The following VNN1 variants were observed in gnomAD, a reference collection of about 807,000 sequenced individuals.
VNN1 encodes the protein vanin 1.
Under a neutral mutation model 41.9 loss-of-function variants are expected in VNN1, and 29 were observed. That is an observed-to-expected ratio of 0.69 (90% CI 0.52 to 0.94). The LOEUF (loss-of-function observed/expected upper bound fraction) is 0.94. VNN1 is among the 40% of genes least tolerant of loss of function. The pLI, the probability that VNN1 is intolerant of heterozygous loss-of-function variation, is 0.00. For synonymous variants in VNN1, 233 were observed against 224.4 expected, an observed-to-expected ratio of 1.04 and a Z score of -0.34; for missense variants, 637 against 621.1, an observed-to-expected ratio of 1.03 and a Z score of -0.27.
intron 2 of VNN1, 57 bp from the exon 3 acceptor site, chr6:132,694,239 A>G: frequency 6.8e-7 from 1 of 1,476,252 alleles, no homozygotes; most frequent in East Asian, 2.3e-5. Context: ...AACTCTCAAC[A>G]AAATCCTGAA....
intron 5 of VNN1, among the ~76,000 whole-genome samples, chr6:132,686,602 C>A (rs59631470): frequency 0.028 from 4,233 of 152,218 alleles, 193 homozygotes; most frequent in African/African-American, 0.097. Context: ...CACTTACCTC[C>A]GATTTCCCCG....
Position 132,713,971 on chromosome 6 carries a change from T to C in VNN1, c.65A>G (p.Gln22Arg), listed in dbSNP as rs752525819. 27 of 1,614,182 alleles carry C rather than the reference T, an allele frequency of 1.7e-5. No individual in the cohort carries two copies. The highest frequency in any genetic ancestry group is 2.3e-5 in the Non-Finnish European group (27 of 1,180,020). ...ATAAACAGCTGCAGTGAAAGTGTCC[T>C]GGCAGCTGGCTCTTGAGACATAGAA... Reference protein sequence around the residue: ...LLFYVSRASCQDTFTAAVYEH... With the variant: ...LLFYVSRASCRDTFTAAVYEH... Residue 22 changes from glutamine to arginine, a missense_variant, in exon 1 of 7, where the codon CAG (glutamine) becomes CGG (arginine). By Grantham distance (43) the Gln-to-Arg change is conservative. Transcript: ENST00000367928.
rs190040064 is a variant in VNN1 at position 132,711,643 on chromosome 6, A to G, written c.341+66T>C. ...TCATGGATCTATGCAATGATCATCAACAAAGTTTTCCCAGGTAAATCAAGT... is the reference window on the plus strand; with the variant it reads ...TCATGGATCTATGCAATGATCATCAGCAAAGTTTTCCCAGGTAAATCAAGT... On this transcript the variant is annotated intron_variant, in intron 2 of 6. Transcript: ENST00000367928. The G allele has an allele frequency of 3.8e-6, 6 of 1,563,910 alleles. No homozygotes were observed. The East Asian group carries it at 1.1e-4, about 30-fold the overall frequency.
rs915535428 is a variant in VNN1 at position 132,692,429 on chromosome 6, A to G, written c.982T>C (p.Ser328Pro). ...GTGCCTTTAAATTCCTTGTTTCCTG[A>G]TGAGAGCGCTTCTATACTGCTGGCA... ...SYASSIEALS[S>P]GNKEFKGTVF... is the part of the protein sequence containing the mutation. The change falls in exon 5 of 7, where the codon TCA becomes CCA. Residue 328 changes from serine (S) to proline (P), a missense_variant. Ser to Pro is a moderately conservative substitution (Grantham distance 74). Coordinates refer to ENST00000367928, the MANE Select transcript of VNN1 (RefSeq NM_004666.3). 15 of 1,614,048 alleles carry G rather than the reference A, an allele frequency of 9.3e-6. No homozygotes were observed. The highest frequency in any genetic ancestry group is 1.3e-5 in the Non-Finnish European group (15 of 1,180,036).
intron 2 of VNN1, 104 bp from the exon 3 acceptor site, chr6:132,694,286 A>C: frequency 8.9e-7 from 1 of 1,119,552 alleles, no homozygotes; most frequent in South Asian, 1.9e-5. Context: ...ATATATGCAA[A>C]AGTAAATTCT....
intron 1 of VNN1, among the ~76,000 whole-genome samples, chr6:132,712,397 G>A (rs993640533): frequency 1.3e-5 from 2 of 152,080 alleles, no homozygotes; most frequent in Non-Finnish European, 2.9e-5. Flanking sequence ...TGATCCGCCT[G>A]CTTCAGCCTC....
At chr6:132,707,084 G>A (rs1318311968) in intron 2 of VNN1, among the ~76,000 whole-genome samples, 1 of 151,840 alleles carries the variant, frequency 6.6e-6, no homozygotes, top group Non-Finnish European at 1.5e-5. Context: ...AAAATAGCTG[G>A]GTGTAGTGGC....
Position 132,681,181 on chromosome 6 carries a change from G to T in VNN1, c.*1959C>A, listed in dbSNP as rs1778114363. On this transcript the variant is annotated 3_prime_UTR_variant, in exon 7 of 7. Transcript: ENST00000367928. The stretch of plus-strand genomic sequence containing the variant: ...GAAGAGATGTCACTTCTGTGATTAG[G>T]TTTTCAAAGACTGTGGCTTACATCC... Among the ~76,000 whole-genome samples, 1 of 152,134 alleles carries T rather than the reference G, an allele frequency of 6.6e-6. No homozygotes were observed. The highest frequency in any genetic ancestry group is 1.5e-5 in the Non-Finnish European group (1 of 68,016).
At chr6:132,711,595 C>T in intron 2 of VNN1, 114 bp downstream of exon 2, 1 of 1,241,512 alleles carries the variant, frequency 8.1e-7, no homozygotes. Context: ...GAAAAATAAG[C>T]TATACTGAAA....
chr6:132,710,047 T>TTGTG (rs1399157670), intron 2 of VNN1, among the ~76,000 whole-genome samples: 1 of 151,924 alleles, frequency 6.6e-6, no homozygotes, highest in Non-Finnish European at 1.5e-5. Context: ...TTTTGTGGGT[T>TTGTG]TGTTTGTTTG....
chr6:132,705,550 C>A (rs1073954), intron 2 of VNN1, among the ~76,000 whole-genome samples: 52 of 152,054 alleles, frequency 3.4e-4, no homozygotes, highest in African/African-American at 1.3e-3. Flanking sequence ...TTATGACAGA[C>A]CCATGGCTGG....
intron 2 of VNN1, among the ~76,000 whole-genome samples, chr6:132,706,677 G>A (rs1274093211): frequency 1.3e-5 from 2 of 152,082 alleles, no homozygotes; most frequent in African/African-American, 4.8e-5. Flanking sequence ...AAGGTAAAAA[G>A]CTTCTGCACA....
chr6:132,692,980 T>TA (rs1230611406), intron 4 of VNN1, 44 bp downstream of exon 4: 23 of 1,529,704 alleles, frequency 1.5e-5, no homozygotes, highest in Non-Finnish European at 2.0e-5. Flanking sequence ...TTTCTTTTCT[T>TA]TTCTGATTAC....
At chr6:132,702,086 T>C (rs1199800072) in intron 2 of VNN1, among the ~76,000 whole-genome samples, 5 of 152,142 alleles carry the variant, frequency 3.3e-5, no homozygotes, top group African/African-American at 1.2e-4. Context: ...AGGCCAGGGG[T>C]TCCCAATCCC....
intron 2 of VNN1, among the ~76,000 whole-genome samples, chr6:132,709,661 CAAA>C (rs36016222): frequency 6.6e-4 from 93 of 141,900 alleles, no homozygotes; most frequent in South Asian, 6.7e-4. Context: ...GTCTCTCTCT[CAAA>C]AAAAAAAAAA....
intron 5 of VNN1, among the ~76,000 whole-genome samples, chr6:132,688,583 G>T (rs1031112949): frequency 6.6e-6 from 1 of 152,042 alleles, no homozygotes; most frequent in Admixed American, 6.6e-5. Context: ...GGGAAGAAGA[G>T]CTAAGAGATT....
Position 132,713,917 on chromosome 6 carries a change from G to A in VNN1, c.119C>T (p.Thr40Ile). ...YEHAAILPNA[T>I]LTPVSREEAL... is the part of the protein sequence containing the mutation. ...CTCCTCACGAGACACTGGTGTTAGGGTGGCATTGGGCAATATCGCTGCATG... is the reference window on the plus strand; with the variant it reads ...CTCCTCACGAGACACTGGTGTTAGGATGGCATTGGGCAATATCGCTGCATG... The change falls in exon 1 of 7, where the codon ACC (threonine) becomes ATC (isoleucine). Residue 40 changes from threonine to isoleucine, a missense_variant. Transcript: ENST00000367928. 2 of 1,614,114 alleles carry A rather than the reference G, an allele frequency of 1.2e-6. No individual in the cohort carries two copies. Among genetic ancestry groups the A allele is most frequent in the South Asian group, 2.2e-5 (2 of 91,082 alleles).
intron 1 of VNN1, among the ~76,000 whole-genome samples, chr6:132,713,223 C>G (rs928687813): frequency 6.6e-6 from 1 of 152,170 alleles, no homozygotes; most frequent in Non-Finnish European, 1.5e-5. Flanking sequence ...CTGGTCTACA[C>G]CTAATCGATC....
chr6:132,698,090 A>G (rs936337141), intron 2 of VNN1, among the ~76,000 whole-genome samples: 3 of 152,262 alleles, frequency 2.0e-5, no homozygotes, highest in African/African-American at 7.2e-5. Flanking sequence ...AAATTAGACC[A>G]CATGTCCTAA....
Sources: allele counts gnomAD v4.1 joint callset (sites outside exome capture counted in the v4.1 genomes callset), GRCh38; gene constraint gnomAD v4.1.1; transcripts MANE v1.5; gene names NCBI Gene and HGNC (gene_info 2026-07-23, HGNC 2026-07-21).